NUP133: variants seen among roughly 807,000 people sequenced by gnomAD.
NUP133 encodes the protein nuclear pore complex protein Nup133.
A neutral mutation model predicts 146.2 loss-of-function variants in NUP133; 66 were observed. That is an observed-to-expected ratio of 0.45 (90% CI 0.37 to 0.55). NUP133 has a LOEUF of 0.55. Among genes scored for constraint, NUP133 ranks in the 20% least tolerant of loss-of-function variants. The pLI is 0.00. For missense variants in NUP133, 1,277 were observed against 1,374.8 expected (o/e 0.93, Z 1.12); for synonymous variants, 521 against 498.8 (o/e 1.04, Z -0.59).
At chr1:229,496,707 C>T (rs911460610) in intron 6 of NUP133, among the ~76,000 whole-genome samples, 26 of 152,116 alleles carry the variant, frequency 1.7e-4, no homozygotes, top group African/African-American at 6.0e-4. Context: ...TGAGGCCAGG[C>T]GTGGTGGCTC....
Position 229,449,178 on chromosome 1 carries a change from T to C in NUP133, c.3193A>G (p.Asn1065Asp), listed in dbSNP as rs929187433. 6.2e-7 allele frequency: 1 copy of C among 1,607,362 alleles called. No homozygotes were observed. Among genetic ancestry groups the C allele is most frequent in the Non-Finnish European group, 8.5e-7 (1 of 1,175,408 alleles). Residue 1065 changes from asparagine (N) to aspartate (D), a missense_variant, in exon 24 of 26, where the codon AAT (asparagine) becomes GAT (aspartate). By Grantham distance (23) the Asn-to-Asp change is conservative. Around this residue, in one of 3 missense-constraint regions of NUP133, gnomAD observed 952 missense variants for 1,047.0 expected, o/e 0.91. Coordinates refer to ENST00000261396, the MANE Select transcript of NUP133 (RefSeq NM_018230.3). ...ATTTCCAGTTTTAGATCATTTATAT[T>C]TATATCTTCTTCCTTCACAGCAAAA... ...LEYIDEEEDI[N>D]INDLKLEILC...
At chr1:229,508,029 G>T (rs949306806) in intron 1 of NUP133, 39 bp downstream of exon 1, 1 of 1,422,624 alleles carries the variant, frequency 7.0e-7, no homozygotes, top group Non-Finnish European at 9.3e-7. Context: ...CGGCCCGTGA[G>T]GCTGTTGGTT....
intron 9 of NUP133, 46 bp from the exon 10 acceptor site, chr1:229,487,659 A>T: frequency 1.4e-6 from 2 of 1,380,556 alleles, no homozygotes; most frequent in Non-Finnish European, 2.0e-6. Context: ...GTAAAACAAA[A>T]ATATTTGTAT....
At position 229,498,255 on chromosome 1, in the gene NUP133, G is replaced by A. The variant is rs1661704582; in HGVS notation, c.700C>T (p.Pro234Ser). The A allele has an allele frequency of 3.7e-6, 6 of 1,606,948 alleles. No individual in the cohort carries two copies. Residue 234 changes from proline (P) to serine (S), a missense_variant, in exon 6 of 26, where the codon CCT becomes TCT. Pro to Ser is a moderately conservative substitution (Grantham distance 74, BLOSUM62 -1). This residue lies in a region of NUP133 where 319 missense variants were observed against 306.9 expected (regional missense o/e 1.04). Coordinates refer to ENST00000261396, the MANE Select transcript of NUP133 (RefSeq NM_018230.3). ...SSGSQLIRLI[P>S]ESSGKIHQHI... is the part of the protein sequence containing the mutation. Reference sequence around the variant, plus strand: ...TGATGAATCTTTCCTGAGCTCTCAGGTATCAACCGAATTAGTTGGCTTCCT... The same window carrying A: ...TGATGAATCTTTCCTGAGCTCTCAGATATCAACCGAATTAGTTGGCTTCCT...
intron 12 of NUP133, 66 bp downstream of exon 12, chr1:229,483,988 T>C: frequency 1.8e-6 from 2 of 1,122,326 alleles, no homozygotes; most frequent in Non-Finnish European, 2.6e-6. Flanking sequence ...AGTCAATAAG[T>C]AGCACATGTC....
intron 8 of NUP133, among the ~76,000 whole-genome samples, chr1:229,491,987 CA>C (rs1477289885): frequency 6.6e-6 from 1 of 152,142 alleles, no homozygotes. Context: ...TATGTAAAAA[CA>C]AACCATTTTG....
intron 12 of NUP133, among the ~76,000 whole-genome samples, chr1:229,483,751 G>A (rs1448195579): frequency 6.8e-6 from 1 of 147,574 alleles, no homozygotes; most frequent in Non-Finnish European, 1.5e-5. Flanking sequence ...GCACCTTAAC[G>A]TTATACGTAA....
intron 23 of NUP133, 63 bp downstream of exon 23, chr1:229,450,462 G>A: frequency 1.3e-6 from 1 of 788,218 alleles, no homozygotes; most frequent in Non-Finnish European, 2.0e-6. Flanking sequence ...ACTAAAAGAG[G>A]GATCTCCCTC....
intron 15 of NUP133, among the ~76,000 whole-genome samples, chr1:229,469,183 G>A (rs1463811358): frequency 2.0e-5 from 3 of 152,202 alleles, no homozygotes; most frequent in African/African-American, 7.2e-5. Context: ...GGGAAGAGCT[G>A]GCCCTGTTTC....
intron 24 of NUP133, among the ~76,000 whole-genome samples, chr1:229,448,493 T>C (rs1660364050): frequency 6.6e-6 from 1 of 152,128 alleles, no homozygotes; most frequent in Non-Finnish European, 1.5e-5. Context: ...GAACGTCTCA[T>C]GCCTTTCCAG....
chr1:229,506,810 C>T (rs1404121737), intron 1 of NUP133, among the ~76,000 whole-genome samples: 1 of 128,232 alleles, frequency 7.8e-6, no homozygotes, highest in Admixed American at 8.5e-5. Flanking sequence ...GAGAGTGAGA[C>T]CCTGTCTCTT....
chr1:229,477,580 A>T lies in NUP133; in HGVS notation c.1756+17T>A. ...ATATGTTCAAAACACACCGTTCCAT[A>T]ATTGAAACATTCTTACCCTCAGGGA... On this transcript the variant is annotated intron_variant, in intron 13 of 25. Transcript: ENST00000261396. 6.3e-7 allele frequency: 1 copy of T among 1,583,702 alleles called. No homozygotes were observed.
intron 16 of NUP133, 91 bp from the exon 17 acceptor site, chr1:229,465,610 A>G: frequency 2.0e-6 from 2 of 975,988 alleles, no homozygotes; most frequent in South Asian, 2.7e-5. Flanking sequence ...TAAATTAGTA[A>G]GAAAAAATAC....
Position 229,495,927 on chromosome 1 carries a change from T to C in NUP133, c.940A>G (p.Arg314Gly), listed in dbSNP as rs1260719743. ...TCGGTAATGTTTTCCTTCAGGGCTC[T>C]ATTTATATCCCAACTGTATGCATGC... is the stretch of plus-strand genomic sequence containing the variant. ...EKHAYSWDINRALKENITDAI... is the reference protein window; with the variant it reads ...EKHAYSWDINGALKENITDAI... Residue 314 changes from arginine to glycine, a missense_variant, in exon 7 of 26, where the codon AGA becomes GGA. This residue lies in a region of NUP133 where 952 missense variants were observed against 1,047.0 expected (regional missense o/e 0.91). Transcript: ENST00000261396. The C allele has an allele frequency of 6.2e-7, 1 of 1,603,858 alleles. No individual in the cohort carries two copies. The highest frequency in any genetic ancestry group is 8.5e-7 in the Non-Finnish European group (1 of 1,177,142).
At chr1:229,458,031 C>T (rs562742718) in intron 21 of NUP133, 130 bp downstream of exon 21, 29 of 884,268 alleles carry the variant, frequency 3.3e-5, no homozygotes, top group Non-Finnish European at 4.5e-5. Context: ...TGGACATTAA[C>T]TAAATGCATT....
rs575730674 is a variant in NUP133 at position 229,441,758 on chromosome 1, T to C, written c.*146A>G. Reference sequence around the variant, plus strand: ...ACCAAAATCACAGTTACATAACTATTTTATATTAGCTTCCTACATATAAAG... The same window carrying C: ...ACCAAAATCACAGTTACATAACTATCTTATATTAGCTTCCTACATATAAAG... On this transcript the variant is annotated 3_prime_UTR_variant, in exon 26 of 26. Transcript: ENST00000261396. 6.0e-6 allele frequency: 4 copies of C among 662,178 alleles called. No individual in the cohort carries two copies. The highest frequency in any genetic ancestry group is 5.6e-5 in the African/African-American group (3 of 53,972). 41.0% of individuals were successfully genotyped at this position (662,178 alleles called of 1,614,324 possible).
chr1:229,504,213 G>C (rs1046114397), intron 2 of NUP133, among the ~76,000 whole-genome samples: 1 of 151,812 alleles, frequency 6.6e-6, no homozygotes, highest in Non-Finnish European at 1.5e-5. Flanking sequence ...TTTACATCAC[G>C]ATACACCCAT....
intron 19 of NUP133, 25 bp from the exon 20 acceptor site, chr1:229,460,794 C>G: frequency 6.4e-7 from 1 of 1,570,388 alleles, no homozygotes; most frequent in South Asian, 1.2e-5. Flanking sequence ...ACATAGAATT[C>G]ATTCATAATA....
chr1:229,442,987 A>C (rs1014228689), intron 25 of NUP133, among the ~76,000 whole-genome samples: 1 of 151,872 alleles, frequency 6.6e-6, no homozygotes, highest in African/African-American at 2.4e-5. Flanking sequence ...GATTACAGGC[A>C]TGAGCCACTG....
Sources: allele counts gnomAD v4.1 joint callset (sites outside exome capture counted in the v4.1 genomes callset), GRCh38; gene constraint gnomAD v4.1.1; regional missense constraint gnomAD v4.1.1; transcripts MANE v1.5; gene names NCBI Gene and HGNC (gene_info 2026-07-23, HGNC 2026-07-21).